IGSF21: variants seen among roughly 807,000 people sequenced by gnomAD.
IGSF21 encodes immunoglobulin superfamily member 21.
Under a neutral mutation model 46.8 loss-of-function variants are expected in IGSF21, and 28 were observed. That is an observed-to-expected ratio of 0.60 (90% confidence interval 0.44 to 0.82). The LOEUF is 0.82. Ranked by LOEUF, IGSF21 falls within the 40% of genes least tolerant of loss-of-function variation. The pLI is 0.00. For synonymous variants in IGSF21, 284 were observed against 273.6 expected (o/e 1.04, Z -0.38); for missense variants, 624 against 665.5 (o/e 0.94, Z 0.69).
chr1:18,272,071 G>A (rs2085047974), intron 2 of IGSF21, among the ~76,000 whole-genome samples: 1 of 152,032 alleles, frequency 6.6e-6, no homozygotes, highest in Non-Finnish European at 1.5e-5. Context: ...GGCCAGGGAA[G>A]CCTCATAATC....
intron 3 of IGSF21, among the ~76,000 whole-genome samples, chr1:18,324,107 A>G (rs2085633487): frequency 6.6e-6 from 1 of 152,004 alleles, no homozygotes; most frequent in Admixed American, 6.5e-5. Context: ...GAAGCCCACC[A>G]CATTAAGAAT....
intron 1 of IGSF21, among the ~76,000 whole-genome samples, chr1:18,134,301 T>G (rs764703596): frequency 6.6e-6 from 1 of 152,116 alleles, no homozygotes; most frequent in Non-Finnish European, 1.5e-5. Flanking sequence ...TTTCCCCTTC[T>G]GTAAGGGGGG....
intron 1 of IGSF21, among the ~76,000 whole-genome samples, chr1:18,210,352 A>G (rs2084376581): frequency 6.6e-6 from 1 of 152,190 alleles, no homozygotes; most frequent in Admixed American, 6.5e-5. Context: ...TTCTCATAGG[A>G]TTTTTGCATT....
At chr1:18,186,988 G>T (rs1005180461) in intron 1 of IGSF21, among the ~76,000 whole-genome samples, 1 of 152,066 alleles carries the variant, frequency 6.6e-6, no homozygotes, top group Non-Finnish European at 1.5e-5. Context: ...TGTGACCATC[G>T]TTTTAACCTC....
At chr1:18,326,528 A>G (rs1020424538) in intron 3 of IGSF21, among the ~76,000 whole-genome samples, 4 of 152,260 alleles carry the variant, frequency 2.6e-5, no homozygotes, top group African/African-American at 9.6e-5. Context: ...TCATTAAAGC[A>G]CAGCCTCAAA....
intron 6 of IGSF21, among the ~76,000 whole-genome samples, chr1:18,369,435 G>A (rs1326384545): frequency 6.6e-6 from 1 of 152,178 alleles, no homozygotes; most frequent in Non-Finnish European, 1.5e-5. Context: ...CTCAGGTTTA[G>A]AGTAACCTTT....
intron 3 of IGSF21, among the ~76,000 whole-genome samples, chr1:18,303,798 G>A (rs1422729840): frequency 5.3e-5 from 8 of 152,176 alleles, no homozygotes; most frequent in Non-Finnish European, 1.0e-4. Context: ...AGGCAGTGGG[G>A]CTCTGCCAGG....
At chr1:18,222,757 G>C (rs1363040009) in intron 1 of IGSF21, among the ~76,000 whole-genome samples, 2 of 152,210 alleles carry the variant, frequency 1.3e-5, no homozygotes, top group Non-Finnish European at 2.9e-5. Flanking sequence ...TCCGTGCAGG[G>C]TATGTGGAAG....
At chr1:18,294,112 C>A (rs1296521287) in intron 3 of IGSF21, among the ~76,000 whole-genome samples, 5 of 152,216 alleles carry the variant, frequency 3.3e-5, no homozygotes, top group Admixed American at 3.3e-4. Context: ...TTATGTCCAA[C>A]AGCCTGAGTT....
intron 4 of IGSF21, among the ~76,000 whole-genome samples, chr1:18,348,734 G>C (rs1432022177): frequency 2.0e-5 from 3 of 152,172 alleles, no homozygotes; most frequent in Admixed American, 1.3e-4. Flanking sequence ...GGCACTCTTA[G>C]GGAGAGAGAG....
intron 2 of IGSF21, among the ~76,000 whole-genome samples, chr1:18,240,391 A>C (rs1013452508): frequency 6.6e-6 from 1 of 152,266 alleles, no homozygotes; most frequent in African/African-American, 2.4e-5. Context: ...AAGACTGTCA[A>C]ATAAATGCTT....
intron 3 of IGSF21, among the ~76,000 whole-genome samples, chr1:18,295,013 GGA>G (rs550280137): frequency 4.7e-4 from 72 of 152,352 alleles, no homozygotes; most frequent in Admixed American, 1.3e-3. Context: ...GGGAAAGTAG[GGA>G]GAGAATGAGA....
intron 1 of IGSF21, among the ~76,000 whole-genome samples, chr1:18,177,053 C>T (rs192466728): frequency 1.3e-5 from 2 of 152,292 alleles, no homozygotes; most frequent in East Asian, 1.9e-4. Flanking sequence ...CTAAAGTTTG[C>T]CATCCTCCCA....
intron 2 of IGSF21, among the ~76,000 whole-genome samples, chr1:18,237,446 C>T (rs1237125727): frequency 6.6e-6 from 1 of 152,164 alleles, no homozygotes. Context: ...CTGCACTTTC[C>T]CTAAGGATCT....
intron 1 of IGSF21, among the ~76,000 whole-genome samples, chr1:18,149,700 G>A (rs371362746): frequency 8.6e-4 from 131 of 152,020 alleles, no homozygotes; most frequent in African/African-American, 3.0e-3. Flanking sequence ...TTCCTTCGGG[G>A]CAGGATCAGC....
At chr1:18,245,397 A>G (rs2084774716) in intron 2 of IGSF21, among the ~76,000 whole-genome samples, 1 of 152,218 alleles carries the variant, frequency 6.6e-6, no homozygotes, top group Non-Finnish European at 1.5e-5. Flanking sequence ...TTCTTTAAAC[A>G]AATAGCTTGT....
intron 4 of IGSF21, among the ~76,000 whole-genome samples, chr1:18,339,445 C>T (rs1488670001): frequency 9.2e-5 from 14 of 152,282 alleles, no homozygotes; most frequent in South Asian, 2.1e-4. Flanking sequence ...TCAAAAACTC[C>T]GATGGTCCTG....
chr1:18,130,063 C>T (rs1459500718), intron 1 of IGSF21, among the ~76,000 whole-genome samples: 1 of 152,154 alleles, frequency 6.6e-6, no homozygotes, highest in Non-Finnish European at 1.5e-5. Context: ...GGCAGAGGTG[C>T]AGGAGGTAAA....
chr1:18,286,050 C>T (rs151083544), intron 2 of IGSF21, among the ~76,000 whole-genome samples: 2 of 152,330 alleles, frequency 1.3e-5, no homozygotes, highest in South Asian at 2.1e-4. Flanking sequence ...CCTCCAACCT[C>T]ACCCAGCAAT....
Sources: gnomAD v4.1 joint callset for allele counts (sites outside exome capture counted in the v4.1 genomes callset) on GRCh38, gnomAD v4.1.1 for gene constraint, MANE v1.5 for transcripts, NCBI Gene and HGNC (gene_info 2026-07-23, HGNC 2026-07-21) for gene names.